GNA14: variants seen among roughly 807,000 people sequenced by gnomAD.
GNA14 encodes the protein guanine nucleotide-binding protein subunit alpha-14.
A neutral mutation model predicts 42.0 loss-of-function variants in GNA14; 50 were observed. The ratio of observed to expected loss-of-function variants is 1.19; its 90% confidence interval spans 0.95 to 1.51. The LOEUF (loss-of-function observed/expected upper bound fraction) is 1.51. Among genes scored for constraint, GNA14 ranks in the 40% most tolerant of loss-of-function variants. The pLI is 0.00. For missense variants in GNA14, 473 were observed against 446.2 expected (o/e 1.06, Z -0.54); for synonymous variants, 173 against 163.1 (o/e 1.06, Z -0.46).
At chr9:77,621,477 G>C (rs1286028650) in intron 1 of GNA14, among the ~76,000 whole-genome samples, 1 of 152,186 alleles carries the variant, frequency 6.6e-6, no homozygotes, top group Non-Finnish European at 1.5e-5. Context: ...GAATAAATTG[G>C]CTTCACCAGA....
intron 1 of GNA14, among the ~76,000 whole-genome samples, chr9:77,621,120 G>C (rs1823915637): frequency 6.6e-6 from 1 of 151,910 alleles, no homozygotes; most frequent in Non-Finnish European, 1.5e-5. Context: ...TTTTTGTAGA[G>C]ATGGAGTTTT....
intron 2 of GNA14, among the ~76,000 whole-genome samples, chr9:77,484,246 G>T (rs1019989660): frequency 6.6e-6 from 1 of 152,014 alleles, no homozygotes. Flanking sequence ...ATATCCAAGA[G>T]AAAAAATGGA....
intron 1 of GNA14, among the ~76,000 whole-genome samples, chr9:77,613,135 G>A (rs547236020): frequency 1.3e-5 from 2 of 152,276 alleles, no homozygotes; most frequent in East Asian, 3.9e-4. Flanking sequence ...TCATTCCATT[G>A]GACCAGGGCC....
At chr9:77,618,612 A>C (rs1294006833) in intron 1 of GNA14, among the ~76,000 whole-genome samples, 2 of 13,492 alleles carry the variant, frequency 1.5e-4, no homozygotes, top group Non-Finnish European at 2.6e-4. Context: ...ATATATATAT[A>C]TATATATATT....
chr9:77,537,634 T>A (rs1258652427), intron 1 of GNA14, among the ~76,000 whole-genome samples: 1 of 152,254 alleles, frequency 6.6e-6, no homozygotes, highest in African/African-American at 2.4e-5. Context: ...TAATCTATTT[T>A]GAGTTGTTGG....
intron 1 of GNA14, among the ~76,000 whole-genome samples, chr9:77,641,944 A>G (rs865887680): frequency 7.2e-5 from 11 of 152,368 alleles, no homozygotes; most frequent in Middle Eastern, 6.8e-3. Context: ...GCCAAGGGAA[A>G]AGGGCATACC....
rs1244957995 is a variant in GNA14 at position 77,423,096 on chromosome 9, ATTC to A, written c.*880_*882del. ...CCCAGTGCTAATAGCAGAATGGTAT[ATTC>A]TTAGCCTCCTCAGAAAGGCACAGCA... On this transcript the variant is annotated 3_prime_UTR_variant, in exon 7 of 7. Transcript: ENST00000341700. 1.3e-5 allele frequency: 2 copies of A among 152,288 alleles called. No individual in the cohort carries two copies. Among genetic ancestry groups the A allele is most frequent in the Admixed American group, 1.3e-4 (2 of 15,288 alleles). 9.4% of individuals were successfully genotyped at this position (152,288 alleles called of 1,614,324 possible).
chr9:77,632,102 G>GC (rs144028558), intron 1 of GNA14, among the ~76,000 whole-genome samples: 3,940 of 152,258 alleles, frequency 0.026, 154 homozygotes, highest in African/African-American at 0.077. Context: ...GCCCAGGAAG[G>GC]CCCCCACTGC....
intron 2 of GNA14, among the ~76,000 whole-genome samples, chr9:77,501,643 G>A (rs12350139): frequency 0.065 from 9,896 of 151,256 alleles, 335 homozygotes; most frequent in East Asian, 0.11. Flanking sequence ...CAAGTTTGTA[G>A]CTTGTCTTTC....
chr9:77,624,900 T>C (rs1564069522), intron 1 of GNA14, among the ~76,000 whole-genome samples: 2 of 151,922 alleles, frequency 1.3e-5, no homozygotes, highest in South Asian at 2.1e-4. Flanking sequence ...GGATGGAGAA[T>C]GAATTTGACG....
At chr9:77,630,292 A>C (rs1197426794) in intron 1 of GNA14, among the ~76,000 whole-genome samples, 9 of 151,634 alleles carry the variant, frequency 5.9e-5, no homozygotes, top group Admixed American at 5.9e-4. Flanking sequence ...TAATTTTTAC[A>C]CTTTTTGTAG....
At chr9:77,517,040 G>A (rs1302235491) in intron 2 of GNA14, among the ~76,000 whole-genome samples, 2 of 152,180 alleles carry the variant, frequency 1.3e-5, no homozygotes, top group Non-Finnish European at 2.9e-5. Flanking sequence ...GCTAGTGAGA[G>A]AGTGGAGGAA....
chr9:77,642,455 A>G (rs1824281954), intron 1 of GNA14, among the ~76,000 whole-genome samples: 1 of 152,168 alleles, frequency 6.6e-6, no homozygotes, highest in South Asian at 2.1e-4. Flanking sequence ...TGAACACAAT[A>G]CTCACATAAC....
Position 77,523,695 on chromosome 9 carries a change from G to C in GNA14, c.309+5374C>G, listed in dbSNP as rs370490356. 2.0e-4 allele frequency among the ~76,000 whole-genome samples: 30 copies of C among 152,270 alleles called. No homozygotes were observed. In the South Asian group the frequency reaches 3.3e-3, roughly 17 times the overall value. ...CAACATGACCCCAGTGTAGTTTGGC[G>C]CTCCTCTAAGCAGAGCAGAGGGGCA... On this transcript the variant is annotated intron_variant, in intron 2 of 6. Transcript: ENST00000341700.
chr9:77,444,836 T>C (rs979666307), intron 2 of GNA14, among the ~76,000 whole-genome samples: 1 of 152,178 alleles, frequency 6.6e-6, no homozygotes, highest in African/African-American at 2.4e-5. Context: ...TAGGGTTCAG[T>C]TGGGGTGCCC....
intron 2 of GNA14, among the ~76,000 whole-genome samples, chr9:77,481,341 C>T (rs552315690): frequency 2.0e-5 from 3 of 152,258 alleles, no homozygotes; most frequent in African/African-American, 7.2e-5. Context: ...TGTTCAGTTT[C>T]CTTGTAGTTG....
intron 2 of GNA14, among the ~76,000 whole-genome samples, chr9:77,452,597 G>GTATC (rs1835926648): frequency 2.6e-3 from 1 of 380 alleles, no homozygotes; most frequent in Non-Finnish European, 4.1e-3. Context: ...TGTGTGTGTG[G>GTATC]TGTGTATGTG....
chr9:77,512,443 C>T (rs577469534), intron 2 of GNA14, among the ~76,000 whole-genome samples: 1 of 152,266 alleles, frequency 6.6e-6, no homozygotes, highest in South Asian at 2.1e-4. Context: ...CTTACCTCTG[C>T]AGAGATAATC....
In GNA14 at chr9:77,595,211, G is replaced by A. The variant is rs531856280; in HGVS notation, c.124+52459C>T. ...CACAGTCCAGCAGTACAGAGCTGAT[G>A]CTTGGTGAATATTTGTTAAGTTAAT... On this transcript the variant is annotated intron_variant, in intron 1 of 6. Transcript: ENST00000341700. 6.6e-5 allele frequency among the ~76,000 whole-genome samples: 10 copies of A among 152,138 alleles called. No individual in the cohort carries two copies. The South Asian group carries it at 2.1e-3, about 32-fold the overall frequency.
Sources: gnomAD v4.1 joint callset for allele counts (sites outside exome capture counted in the v4.1 genomes callset) on GRCh38, gnomAD v4.1.1 for gene constraint, MANE v1.5 for transcripts, NCBI Gene and HGNC (gene_info 2026-07-23, HGNC 2026-07-21) for gene names.